The following RABGAP1L variants were observed in gnomAD, a reference collection of about 807,000 sequenced individuals.
The protein encoded by RABGAP1L is RAB GTPase activating protein 1 like.
RABGAP1L carries 63 observed loss-of-function variants against 137.7 expected under a neutral mutation model. That is an observed-to-expected ratio of 0.46 (90% CI 0.37 to 0.56). RABGAP1L has a LOEUF of 0.56. Among genes scored for constraint, RABGAP1L ranks in the 20% least tolerant of loss-of-function variants. RABGAP1L has a pLI of 0.00. For synonymous variants in RABGAP1L, 431 were observed against 433.7 expected, an observed-to-expected ratio of 0.99 and a Z score of 0.08; for missense variants, 1,095 against 1,244.0, an observed-to-expected ratio of 0.88 and a Z score of 1.80.
rs1435273030 is a variant in RABGAP1L, at chr1:174,550,412, AATC to A, written c.1711-86959_1711-86957del. Reference sequence around the variant, plus strand: ...TCACTCCAGTGGCCATGCTTCTGAAAATCATCGAGTCAACAACAGCCTTACTCC... The same window carrying A: ...TCACTCCAGTGGCCATGCTTCTGAAAATCGAGTCAACAACAGCCTTACTCC... On this transcript the variant is annotated intron_variant, in intron 13 of 25. Coordinates refer to ENST00000681986, the MANE Select transcript of RABGAP1L (RefSeq NM_001366446.1). Among the ~76,000 whole-genome samples, 5 of 152,306 alleles carry A rather than the reference AATC, an allele frequency of 3.3e-5. No individual in the cohort carries two copies. The East Asian group carries it at 9.7e-4, about 29-fold the overall frequency.
chr1:174,930,208 A>T (rs1190660740), intron 19 of RABGAP1L, among the ~76,000 whole-genome samples: 1 of 151,818 alleles, frequency 6.6e-6, no homozygotes, highest in Non-Finnish European at 1.5e-5. Context: ...TACTTATGAG[A>T]TGGGGACTCA....
chr1:174,543,077 TG>T (rs1442270636), intron 13 of RABGAP1L, among the ~76,000 whole-genome samples: 2 of 152,136 alleles, frequency 1.3e-5, no homozygotes, highest in African/African-American at 4.8e-5. Context: ...TCTGTTGATT[TG>T]GGGTGGAGAG....
At chr1:174,170,040 A>G (rs989153303) in intron 1 of RABGAP1L, among the ~76,000 whole-genome samples, 5 of 152,238 alleles carry the variant, frequency 3.3e-5, no homozygotes, top group African/African-American at 4.8e-5. Context: ...GCTTTTAGAC[A>G]TTTTTATCAG....
At chr1:174,622,534 A>T (rs935986588) in intron 13 of RABGAP1L, among the ~76,000 whole-genome samples, 7 of 152,232 alleles carry the variant, frequency 4.6e-5, no homozygotes, top group South Asian at 2.1e-4. Flanking sequence ...ATAAAATATG[A>T]TGAGTTCATG....
At chr1:174,556,363 A>G (rs1009833180) in intron 13 of RABGAP1L, among the ~76,000 whole-genome samples, 1 of 152,222 alleles carries the variant, frequency 6.6e-6, no homozygotes, top group East Asian at 1.9e-4. Context: ...ATACTGATGA[A>G]GAAAAAGTAG....
At position 174,812,032 on chromosome 1, in the gene RABGAP1L, T is replaced by A. The variant is rs969631560; in HGVS notation, c.2340+72T>A. The A allele has an allele frequency of 3.1e-5, 42 of 1,359,790 alleles. No individual in the cohort carries two copies. The African/African-American group carries it at 4.2e-4, about 14-fold the overall frequency. 84.2% of individuals were successfully genotyped at this position (1,359,790 alleles called of 1,614,324 possible). A position where few individuals can be genotyped will look rare whatever the true frequency, so the allele number is the denominator to read the frequency against. On this transcript the variant is annotated intron_variant, in intron 19 of 25. Coordinates refer to ENST00000681986, the MANE Select transcript of RABGAP1L (RefSeq NM_001366446.1). The stretch of plus-strand genomic sequence containing the variant: ...AATAATATGACAAATTATGTAAAAA[T>A]TTTTTTATATGTTGCAAGGTTTGAT...
intron 1 of RABGAP1L, among the ~76,000 whole-genome samples, chr1:174,205,409 C>T (rs1668437636): frequency 1.3e-5 from 2 of 151,980 alleles, no homozygotes; most frequent in African/African-American, 4.8e-5. Flanking sequence ...GTGAATCCAT[C>T]AGGTCCTGGG....
intron 13 of RABGAP1L, among the ~76,000 whole-genome samples, chr1:174,412,914 C>A (rs1304022439): frequency 6.6e-6 from 1 of 151,976 alleles, no homozygotes; most frequent in Non-Finnish European, 1.5e-5. Flanking sequence ...TAGCATTGAG[C>A]TTGGACAGTC....
intron 16 of RABGAP1L, 91 bp downstream of exon 16, chr1:174,699,741 A>G: frequency 8.1e-7 from 1 of 1,241,270 alleles, no homozygotes; most frequent in Non-Finnish European, 1.1e-6. Flanking sequence ...TGAATTATAG[A>G]AGTTTAATGG....
chr1:174,559,054 A>C (rs1176551975), intron 13 of RABGAP1L, among the ~76,000 whole-genome samples: 1 of 152,210 alleles, frequency 6.6e-6, no homozygotes, highest in Non-Finnish European at 1.5e-5. Flanking sequence ...TCACCTAGGC[A>C]TCCTTTCCAG....
intron 10 of RABGAP1L, among the ~76,000 whole-genome samples, chr1:174,280,837 C>T (rs1190004866): frequency 2.6e-5 from 4 of 152,146 alleles, no homozygotes; most frequent in African/African-American, 4.8e-5. Flanking sequence ...AATGAAGCCG[C>T]GGACCCTTGC....
intron 13 of RABGAP1L, among the ~76,000 whole-genome samples, chr1:174,487,385 C>G (rs1659774449): frequency 6.6e-6 from 1 of 152,100 alleles, no homozygotes; most frequent in South Asian, 2.1e-4. Context: ...TAGTGACCTT[C>G]TTTGTCTCTT....
chr1:174,674,928 T>A (rs1217797151), intron 14 of RABGAP1L, among the ~76,000 whole-genome samples: 650 of 130,576 alleles, frequency 5.0e-3, no homozygotes, highest in South Asian at 6.9e-3. Flanking sequence ...CACTTTTTGA[T>A]GGGGTTGTTT....
chr1:174,542,961 G>A (rs1665612295), intron 13 of RABGAP1L, among the ~76,000 whole-genome samples: 1 of 152,208 alleles, frequency 6.6e-6, no homozygotes, highest in Non-Finnish European at 1.5e-5. Flanking sequence ...CTGGGAGACA[G>A]TTTGTTATAA....
chr1:174,817,702 G>A (rs1032806899), intron 19 of RABGAP1L, among the ~76,000 whole-genome samples: 1 of 152,162 alleles, frequency 6.6e-6, no homozygotes, highest in Non-Finnish European at 1.5e-5. Flanking sequence ...AGGTCATTCT[G>A]GTTGCTGTGT....
chr1:174,407,833 T>C (rs79039367), intron 13 of RABGAP1L, among the ~76,000 whole-genome samples: 11,088 of 152,142 alleles, frequency 0.073, 605 homozygotes, highest in East Asian at 0.32. Flanking sequence ...TTTATGGTAT[T>C]GCACTAAACA....
intron 11 of RABGAP1L, among the ~76,000 whole-genome samples, chr1:174,352,769 T>C (rs756660478): frequency 4.6e-5 from 7 of 152,228 alleles, no homozygotes; most frequent in African/African-American, 1.7e-4. Flanking sequence ...GTTAAGTCTT[T>C]GGTCACTGCA....
chr1:174,266,960 GA>G (rs1170565757), intron 7 of RABGAP1L, among the ~76,000 whole-genome samples: 2 of 152,122 alleles, frequency 1.3e-5, no homozygotes, highest in African/African-American at 4.8e-5. Flanking sequence ...GTTGTGATAT[GA>G]ACCATATTGA....
chr1:174,956,201 TTTTG>T (rs1392374762), intron 19 of RABGAP1L, among the ~76,000 whole-genome samples: 1 of 152,130 alleles, frequency 6.6e-6, no homozygotes, highest in East Asian at 1.9e-4. Flanking sequence ...AAGAGAGTTT[TTTTG>T]TTTGTTTGTT....
Sources: gnomAD v4.1 joint callset for allele counts (sites outside exome capture counted in the v4.1 genomes callset) on GRCh38, gnomAD v4.1.1 for gene constraint, MANE v1.5 for transcripts, NCBI Gene and HGNC (gene_info 2026-07-23, HGNC 2026-07-21) for gene names.